Variants in IREB2 observed in about 807,000 individuals in gnomAD.
IREB2 encodes the protein iron responsive element binding protein 2.
In IREB2, 39 loss-of-function variants were observed where a neutral mutation model predicts 118.8. The observed-to-expected ratio is 0.33, with a 90% confidence interval of 0.25 to 0.43. IREB2 has a LOEUF of 0.43. IREB2 is among the 20% of genes least tolerant of loss of function. IREB2 has a pLI of 1.00. For synonymous variants in IREB2, 372 were observed against 392.2 expected (o/e 0.95, Z 0.61); for missense variants, 900 against 1,147.3 (o/e 0.78, Z 3.11).
rs1369150328 is a variant in IREB2 at position 78,478,055 on chromosome 15, G to A, written c.1196-242G>A. Among the ~76,000 whole-genome samples the A allele has an allele frequency of 3.4e-5, 5 of 146,552 alleles. No individual in the cohort carries two copies. In the South Asian group the frequency reaches 1.1e-3, roughly 32 times the overall value. On this transcript the variant is annotated intron_variant, in intron 9 of 21. Transcript: ENST00000258886. ...TATTCAAAAAAAACAAGACCCTCCC[G>A]CCACCCCATCTGTACAAAACATTTG...
intron 2 of IREB2, among the ~76,000 whole-genome samples, chr15:78,458,854 G>A (rs984917014): frequency 3.9e-5 from 6 of 151,902 alleles, no homozygotes; most frequent in African/African-American, 9.7e-5. Context: ...CCCATTTCCC[G>A]GGCTGGAGTG....
intron 2 of IREB2, among the ~76,000 whole-genome samples, chr15:78,446,582 A>C (rs2050932738): frequency 1.3e-5 from 2 of 152,142 alleles, no homozygotes; most frequent in South Asian, 4.1e-4. Flanking sequence ...ACTATAGACA[A>C]GCCTCCTCTG....
chr15:78,439,568 A>G (rs1196858597), intron 1 of IREB2, among the ~76,000 whole-genome samples: 1 of 152,200 alleles, frequency 6.6e-6, no homozygotes, highest in Admixed American at 6.5e-5. Flanking sequence ...GTGACTTTAA[A>G]TTAATCAAAA....
chr15:78,437,875 T>C (rs1056445707), upstream of IREB2, among the ~76,000 whole-genome samples: 6 of 152,208 alleles, frequency 3.9e-5, no homozygotes, highest in Non-Finnish European at 7.3e-5. Flanking sequence ...CCTTGAGCTC[T>C]TTCTCCTAGC....
intron 20 of IREB2, among the ~76,000 whole-genome samples, chr15:78,495,281 AAGT>A (rs2051821977): frequency 6.6e-6 from 1 of 152,174 alleles, no homozygotes; most frequent in South Asian, 2.1e-4. Context: ...TACTAATTAT[AAGT>A]ATTATTATGA....
chr15:78,491,310 A>G (rs1196740104), intron 18 of IREB2, among the ~76,000 whole-genome samples: 1 of 152,170 alleles, frequency 6.6e-6, no homozygotes, highest in African/African-American at 2.4e-5. Flanking sequence ...GTAAGATTTC[A>G]TTTCTACATG....
intron 2 of IREB2, among the ~76,000 whole-genome samples, chr15:78,450,051 T>G (rs1006853704): frequency 2.6e-5 from 4 of 152,230 alleles, no homozygotes; most frequent in Admixed American, 1.3e-4. Context: ...AGTGCATTTT[T>G]TTTACTTGTT....
intron 7 of IREB2, 23 bp from the exon 8 acceptor site, chr15:78,473,219 T>G: frequency 6.2e-7 from 1 of 1,608,694 alleles, no homozygotes; most frequent in African/African-American, 1.3e-5. Flanking sequence ...ACTGTGCTAA[T>G]ATACCTGTCT....
In IREB2 at chr15:78,498,697, C is replaced by G. The variant is rs941195237; in HGVS notation, c.*554C>G. The G allele has an allele frequency of 6.5e-6, 1 of 152,856 alleles. No individual in the cohort carries two copies. Among genetic ancestry groups the G allele is most frequent in the Non-Finnish European group, 1.5e-5 (1 of 68,272 alleles). 9.5% of individuals were successfully genotyped at this position (152,856 alleles called of 1,614,324 possible). On this transcript the variant is annotated 3_prime_UTR_variant, in exon 22 of 22. Coordinates refer to ENST00000258886, the MANE Select transcript of IREB2 (RefSeq NM_004136.4). ...ATAACCAGGTTTATCCTTAGTCTAA[C>G]TGCAAGGGATGGAACCTGCCCCAGG... is the stretch of plus-strand genomic sequence containing the variant.
At position 78,478,366 on chromosome 15, in the gene IREB2, A is replaced by G; in HGVS notation, c.1265A>G (p.Gln422Arg). The part of the protein sequence containing the change: ...LKAVKLFRND[Q>R]NSSGEPEYSQ... ...GCTGTGAAATTGTTTCGAAATGACC[A>G]GAATTCTTCAGGAGAACCTGAATAC... Residue 422 changes from glutamine (Q) to arginine (R), a missense_variant, in exon 10 of 22, where the codon CAG (glutamine) becomes CGG (arginine). By Grantham distance (43) the Gln-to-Arg change is conservative. Transcript: ENST00000258886. 1 of 1,610,862 alleles carries G rather than the reference A, an allele frequency of 6.2e-7. No homozygotes were observed. Among genetic ancestry groups the G allele is most frequent in the Non-Finnish European group, 8.5e-7 (1 of 1,177,018 alleles).
In IREB2 at chr15:78,462,934, A is replaced by G; in HGVS notation, c.119A>G (p.Tyr40Cys). Residue 40 changes from tyrosine (Y) to cysteine (C), a missense_variant, in exon 3 of 22, where the codon TAC (tyrosine) becomes TGC (cysteine). Transcript: ENST00000258886. ...KLGTKYDVLP[Y>C]SIRVLLEAAV... is the part of the protein sequence containing the mutation. ...TTTCTTGAATCAGATGTTCTGCCTT[A>G]CTCAATACGGGTCTTGTTGGAAGCT... 6.2e-7 allele frequency: 1 copy of G among 1,606,080 alleles called. No homozygotes were observed. Among genetic ancestry groups the G allele is most frequent in the Non-Finnish European group, 8.5e-7 (1 of 1,177,014 alleles).
At chr15:78,467,240 C>T (rs1004769265) in intron 5 of IREB2, among the ~76,000 whole-genome samples, 6 of 143,766 alleles carry the variant, frequency 4.2e-5, no homozygotes, top group African/African-American at 1.5e-4. Flanking sequence ...CGTATGTTAA[C>T]GATAAAATTT....
intron 4 of IREB2, 63 bp from the exon 5 acceptor site, chr15:78,466,208 T>C: frequency 8.9e-7 from 1 of 1,126,110 alleles, no homozygotes; most frequent in South Asian, 1.4e-5. Flanking sequence ...TGCGTTTTTT[T>C]TTAAGAGCTA....
chr15:78,449,301 A>G (rs2050983841), intron 2 of IREB2, among the ~76,000 whole-genome samples: 1 of 152,210 alleles, frequency 6.6e-6, no homozygotes, highest in Non-Finnish European at 1.5e-5. Flanking sequence ...TCCCACAACT[A>G]ATTACCGTTA....
intron 2 of IREB2, among the ~76,000 whole-genome samples, chr15:78,455,966 A>G (rs947016952): frequency 1.3e-5 from 2 of 152,188 alleles, no homozygotes; most frequent in Admixed American, 6.5e-5. Context: ...GTTCTTTTCC[A>G]TAAGGGCCTC....
intron 7 of IREB2, 148 bp downstream of exon 7, chr15:78,472,072 T>C: frequency 1.8e-6 from 1 of 563,634 alleles, no homozygotes; most frequent in Non-Finnish European, 3.0e-6. Context: ...AAAATCCTAA[T>C]TGAGAGTTTG....
intron 1 of IREB2, 131 bp from the exon 2 acceptor site, chr15:78,439,664 C>T (rs1208901384): frequency 1.7e-6 from 1 of 600,110 alleles, no homozygotes; most frequent in Non-Finnish European, 2.9e-6. Flanking sequence ...GGCTACTTTA[C>T]TGGACAGCTC....
intron 2 of IREB2, among the ~76,000 whole-genome samples, chr15:78,448,589 C>A (rs2050971009): frequency 6.6e-6 from 1 of 152,204 alleles, no homozygotes; most frequent in African/African-American, 2.4e-5. Context: ...GAGACAGAAA[C>A]ACTTACTTGA....
At chr15:78,442,718 G>C (rs1037206625) in intron 2 of IREB2, among the ~76,000 whole-genome samples, 3 of 152,174 alleles carry the variant, frequency 2.0e-5, no homozygotes, top group African/African-American at 7.2e-5. Flanking sequence ...GACTGGGGCT[G>C]TGCAGCACCA....
Sources: gnomAD v4.1 joint callset for allele counts (sites outside exome capture counted in the v4.1 genomes callset) on GRCh38, gnomAD v4.1.1 for gene constraint, MANE v1.5 for transcripts, NCBI Gene and HGNC (gene_info 2026-07-23, HGNC 2026-07-21) for gene names.